Variants in DAP3 observed in about 807,000 individuals in gnomAD.
The protein encoded by DAP3 is death associated protein 3.
Under a neutral mutation model 51.9 loss-of-function variants are expected in DAP3, and 28 were observed. That is an observed-to-expected ratio of 0.54 (90% CI 0.40 to 0.74). DAP3 has a LOEUF of 0.74. Among genes scored for constraint, DAP3 ranks in the 30% least tolerant of loss-of-function variants. The pLI, the probability that DAP3 is intolerant of heterozygous loss-of-function variation, is 0.00. For synonymous variants in DAP3, 170 were observed against 170.3 expected, an observed-to-expected ratio of 1.00 and a Z score of 0.01; for missense variants, 458 against 483.5, an observed-to-expected ratio of 0.95 and a Z score of 0.49.
At chr1:155,701,062 C>T (rs1237913627) in intron 1 of DAP3, among the ~76,000 whole-genome samples, 4 of 117,256 alleles carry the variant, frequency 3.4e-5, no homozygotes, top group Non-Finnish European at 6.5e-5. Context: ...GGGGGGGGGT[C>T]AGCCCCCCTG....
At chr1:155,735,526 G>A (rs1263461070) in intron 11 of DAP3, among the ~76,000 whole-genome samples, 4 of 151,432 alleles carry the variant, frequency 2.6e-5, no homozygotes, top group Middle Eastern at 3.2e-3. Context: ...GCAGTGAGCC[G>A]AGATCGTGCC....
chr1:155,727,094 A>G (rs1443588757), intron 6 of DAP3: 1 of 152,138 alleles, frequency 6.6e-6, no homozygotes, highest in Non-Finnish European at 1.5e-5. Context: ...GCCTTTTACT[A>G]TTTATCAGCA....
intron 1 of DAP3, among the ~76,000 whole-genome samples, chr1:155,694,837 C>T (rs113676355): frequency 0.014 from 2,179 of 152,266 alleles, 52 homozygotes; most frequent in African/African-American, 0.05. Flanking sequence ...CCTTCATGAA[C>T]ATTTACCTTC....
At chr1:155,713,941 G>A (rs1657021352) in intron 2 of DAP3, among the ~76,000 whole-genome samples, 1 of 152,194 alleles carries the variant, frequency 6.6e-6, no homozygotes, top group Non-Finnish European at 1.5e-5. Flanking sequence ...TACAAAGAGT[G>A]CTATTAGCAG....
chr1:155,732,290 C>T (rs933072483), intron 11 of DAP3: 11 of 219,536 alleles, frequency 5.0e-5, no homozygotes, highest in Non-Finnish European at 8.7e-5. Flanking sequence ...AGTGCAATGG[C>T]GCAATTTCGG....
intron 2 of DAP3, 188 bp downstream of exon 2, chr1:155,710,012 A>C (rs1558349172): frequency 8.2e-6 from 4 of 487,180 alleles, no homozygotes; most frequent in Non-Finnish European, 1.4e-5. Context: ...TCCAGAAAAC[A>C]TAAGTAAGTT....
upstream of DAP3, chr1:155,688,388 A>G: frequency 6.5e-7 from 1 of 1,543,298 alleles, no homozygotes; most frequent in African/African-American, 1.4e-5. Flanking sequence ...AAGGGCGCCT[A>G]GCGACACCCC....
intron 10 of DAP3, 168 bp downstream of exon 10, chr1:155,731,583 T>A (rs1308662984): frequency 2.9e-6 from 2 of 679,412 alleles, no homozygotes; most frequent in Non-Finnish European, 4.8e-6. Flanking sequence ...AAAGTCTGAA[T>A]TAAAATCTAT....
intron 1 of DAP3, among the ~76,000 whole-genome samples, chr1:155,700,635 C>A (rs1211782542): frequency 6.9e-6 from 1 of 144,062 alleles, no homozygotes; most frequent in African/African-American, 2.6e-5. Flanking sequence ...GCCCGGCCGC[C>A]CCTACTGGGA....
intron 11 of DAP3, among the ~76,000 whole-genome samples, chr1:155,735,901 G>A (rs1659733824): frequency 6.7e-6 from 1 of 149,400 alleles, no homozygotes; most frequent in Non-Finnish European, 1.5e-5. Context: ...GAGTGCAGTG[G>A]CTTAATCTCG....
Position 155,738,521 on chromosome 1 carries a change from C to A in DAP3, c.*279C>A. The A allele has an allele frequency of 2.8e-6, 1 of 362,152 alleles. No individual in the cohort carries two copies. Among genetic ancestry groups the A allele is most frequent in the East Asian group, 4.7e-5 (1 of 21,146 alleles). The allele number at this position is 362,152 out of a possible 1,614,324, so 22.4% of individuals were successfully genotyped here. A position where few individuals can be genotyped will look rare whatever the true frequency, so the allele number is the denominator to read the frequency against. On this transcript the variant is annotated 3_prime_UTR_variant, in exon 13 of 13. Coordinates refer to ENST00000368336, the MANE Select transcript of DAP3 (RefSeq NM_004632.4). ...GCTCTTTTCCTAAAAAATAAAATAT[C>A]TTTCTAAAGTGTTGTGTTAGATTAA... is the stretch of plus-strand genomic sequence containing the variant.
rs1210610010 is a variant in DAP3, at chr1:155,693,460, C to T, written c.-8+4286C>T. ...TGGATTAATCATTTTTGGATGTGGGCCGGCTATACCAAAATTGGTTGAAAT... is the reference window on the plus strand; with the variant it reads ...TGGATTAATCATTTTTGGATGTGGGTCGGCTATACCAAAATTGGTTGAAAT... On this transcript the variant is annotated intron_variant, in intron 1 of 12. Coordinates refer to ENST00000368336, the MANE Select transcript of DAP3 (RefSeq NM_004632.4). 1.4e-5 allele frequency among the ~76,000 whole-genome samples: 2 copies of T among 141,628 alleles called. 1 individual carries two copies. Among genetic ancestry groups the T allele is most frequent in the African/African-American group, 6.4e-5 (2 of 31,214 alleles). The allele number at this position is 141,628 out of a possible 152,430, so 92.9% of individuals were successfully genotyped here.
intron 12 of DAP3, among the ~76,000 whole-genome samples, chr1:155,737,403 A>G (rs1205473327): frequency 1.3e-5 from 2 of 152,202 alleles, no homozygotes; most frequent in Admixed American, 1.3e-4. Context: ...TCATGCTGGG[A>G]CACCCACAGA....
In DAP3 at chr1:155,705,813, G is replaced by A. The variant is rs564070218; in HGVS notation, c.-7-3960G>A. ...CCTCCTGGGTTCAAGCGATTCTCCC[G>A]CCTCAGCCTCCTGAGTAGCTGGGAA... On this transcript the variant is annotated intron_variant, in intron 1 of 12. Coordinates refer to ENST00000368336, the MANE Select transcript of DAP3 (RefSeq NM_004632.4). Among the ~76,000 whole-genome samples the A allele has an allele frequency of 9.2e-5, 14 of 152,028 alleles. No homozygotes were observed. The East Asian group carries it at 2.1e-3, about 23-fold the overall frequency.
At chr1:155,726,108 CTTTTCT>C in intron 6 of DAP3, 89 bp downstream of exon 6, 5 of 901,996 alleles carry the variant, frequency 5.5e-6, no homozygotes, top group Non-Finnish European at 7.8e-6. Flanking sequence ...CTTTTCTTTT[CTTTTCT>C]TTTTTTTTTT....
upstream of DAP3, chr1:155,688,123 G>A: frequency 6.2e-7 from 1 of 1,611,754 alleles, no homozygotes; most frequent in Non-Finnish European, 8.5e-7. Context: ...AAGAGGGGGT[G>A]GCCGCCAGGC....
At chr1:155,698,062 T>C (rs982954639) in intron 1 of DAP3, among the ~76,000 whole-genome samples, 2 of 152,228 alleles carry the variant, frequency 1.3e-5, no homozygotes, top group Non-Finnish European at 2.9e-5. Flanking sequence ...TTATCTCCCT[T>C]GTTCCCCGAA....
At chr1:155,725,609 T>A (rs1331613056) in intron 5 of DAP3, 119 bp downstream of exon 5, 1 of 964,866 alleles carries the variant, frequency 1.0e-6, no homozygotes, top group Admixed American at 2.3e-5. Flanking sequence ...ACACCTATAA[T>A]CCCAGGAGTT....
intron 2 of DAP3, among the ~76,000 whole-genome samples, chr1:155,712,050 A>G (rs1656780064): frequency 6.6e-6 from 1 of 151,816 alleles, no homozygotes; most frequent in South Asian, 2.1e-4. Context: ...TGCGTCTCCC[A>G]GTCCACTGAC....
Sources: allele counts gnomAD v4.1 joint callset (sites outside exome capture counted in the v4.1 genomes callset), GRCh38; gene constraint gnomAD v4.1.1; transcripts MANE v1.5; gene names NCBI Gene and HGNC (gene_info 2026-07-23, HGNC 2026-07-21).